Variants in ITPR1 observed in about 807,000 individuals in gnomAD.
ITPR1 encodes the protein inositol 1,4,5-trisphosphate-gated calcium channel ITPR1.
Under a neutral mutation model 318.4 loss-of-function variants are expected in ITPR1, and 96 were observed. The ratio of observed to expected loss-of-function variants is 0.30; its 90% CI spans 0.26 to 0.36. The LOEUF is 0.36. ITPR1 is among the 10% of genes least tolerant of loss of function. The probability of loss-of-function intolerance (pLI) is 1.00; values close to 1 mark genes in which losing one functional copy is unlikely to be tolerated. For missense variants in ITPR1, 2,440 were observed against 3,460.2 expected (o/e 0.71, Z 7.40); for synonymous variants, 1,312 against 1,289.9 (o/e 1.02, Z -0.37).
At chr3:4,538,677 A>G (rs1192447934) in intron 4 of ITPR1, among the ~76,000 whole-genome samples, 1 of 152,230 alleles carries the variant, frequency 6.6e-6, no homozygotes, top group African/African-American at 2.4e-5. Context: ...CTGGATAAAG[A>G]AAATTTGGTA....
chr3:4,610,942 TCTTCCC>T (rs1294578675), intron 4 of ITPR1, among the ~76,000 whole-genome samples: 639 of 55,574 alleles, frequency 0.011, 41 homozygotes, highest in African/African-American at 0.046. Flanking sequence ...TTCCCCTTCC[TCTTCCC>T]CTTCCCCTTC....
At chr3:4,725,403 A>C in intron 40 of ITPR1, 143 bp from the exon 41 acceptor site, 1 of 702,610 alleles carries the variant, frequency 1.4e-6, no homozygotes, top group South Asian at 1.5e-5. Flanking sequence ...GCTGAAGCCC[A>C]CTTCGGCAGG....
intron 60 of ITPR1, among the ~76,000 whole-genome samples, chr3:4,820,891 G>A (rs1409789269): frequency 6.6e-6 from 1 of 152,216 alleles, no homozygotes; most frequent in African/African-American, 2.4e-5. Context: ...TGAGTCATTT[G>A]GTGGGGGTGG....
chr3:4,822,914 C>T (rs549620373), intron 60 of ITPR1, among the ~76,000 whole-genome samples: 73 of 152,326 alleles, frequency 4.8e-4, no homozygotes, highest in African/African-American at 1.7e-3. Context: ...ATTTCCTTTC[C>T]CTGCGGGAAC....
chr3:4,775,238 G>A lies in ITPR1; in HGVS notation c.5980-4G>A, dbSNP rs769545508. ...CACCGAACCTGGGGACTACCCAATT[G>A]CAGAACTTCCTCCGTTGCCAAAATA... On this transcript the variant is annotated splice_polypyrimidine_tract_variant and splice_region_variant and intron_variant, in intron 46 of 61. Transcript: ENST00000649015. The A allele has an allele frequency of 6.2e-7, 1 of 1,612,448 alleles. No homozygotes were observed. The highest frequency in any genetic ancestry group is 2.2e-5 in the East Asian group (1 of 44,884).
chr3:4,499,101 C>G (rs2080827339), intron 2 of ITPR1, among the ~76,000 whole-genome samples: 1 of 152,180 alleles, frequency 6.6e-6, no homozygotes, highest in Non-Finnish European at 1.5e-5. Context: ...CTGTAATATA[C>G]TATGATTGCA....
In ITPR1 at chr3:4,676,606, T is replaced by C. The variant is rs558804336; in HGVS notation, c.2780-8T>C. 10 of 1,612,782 alleles carry C rather than the reference T, an allele frequency of 6.2e-6. No homozygotes were observed. Among genetic ancestry groups the C allele is most frequent in the East Asian group, 2.2e-5 (1 of 44,858 alleles). ...ATTGTGACCGTGGTCTCTCCTGGCC[T>C]TTCCTAGGCAGTAACGTGATGAGAT... On this transcript the variant is annotated splice_region_variant and splice_polypyrimidine_tract_variant and intron_variant, in intron 23 of 61. Transcript: ENST00000649015.
intron 18 of ITPR1, among the ~76,000 whole-genome samples, chr3:4,668,695 T>A (rs1576008036): frequency 6.6e-6 from 1 of 152,292 alleles, no homozygotes; most frequent in Non-Finnish European, 1.5e-5. Context: ...CTTGAACTCC[T>A]GACCTCGTGA....
chr3:4,585,883 T>C (rs571359137), intron 4 of ITPR1, among the ~76,000 whole-genome samples: 1 of 152,336 alleles, frequency 6.6e-6, no homozygotes, highest in Admixed American at 6.5e-5. Flanking sequence ...ACCTGTTACC[T>C]TCATTAGATA....
chr3:4,762,689 T>G, intron 44 of ITPR1, among the ~76,000 whole-genome samples: 1 of 152,238 alleles, frequency 6.6e-6, no homozygotes, highest in East Asian at 1.9e-4. Context: ...ACAGAGCCAG[T>G]GGGTCAAGGA....
intron 2 of ITPR1, among the ~76,000 whole-genome samples, chr3:4,505,680 G>A (rs1275542749): frequency 6.6e-6 from 1 of 152,208 alleles, no homozygotes; most frequent in Non-Finnish European, 1.5e-5. Flanking sequence ...CTGTCCAAAT[G>A]CAGGTGCTTT....
At chr3:4,698,407 GT>G in intron 34 of ITPR1, among the ~76,000 whole-genome samples, 1 of 152,244 alleles carries the variant, frequency 6.6e-6, no homozygotes, top group Non-Finnish European at 1.5e-5. Flanking sequence ...ACTCCTCCTA[GT>G]TTTTTAATCC....
At chr3:4,550,460 G>T (rs1354025703) in intron 4 of ITPR1, among the ~76,000 whole-genome samples, 1 of 152,164 alleles carries the variant, frequency 6.6e-6, no homozygotes, top group Non-Finnish European at 1.5e-5. Flanking sequence ...CATAATAAAT[G>T]ATTGCAGACT....
intron 4 of ITPR1, among the ~76,000 whole-genome samples, chr3:4,567,394 A>G (rs1221191884): frequency 6.6e-6 from 1 of 152,172 alleles, no homozygotes; most frequent in African/African-American, 2.4e-5. Context: ...GCCTAAGAAG[A>G]CCAAGTCCTT....
At chr3:4,835,523 C>T (rs568663543) in intron 60 of ITPR1, among the ~76,000 whole-genome samples, 3 of 152,226 alleles carry the variant, frequency 2.0e-5, no homozygotes, top group South Asian at 4.2e-4. Flanking sequence ...TCGCCGACCC[C>T]CACGGTGTAC....
intron 1 of ITPR1, 27 bp from the exon 2 acceptor site, chr3:4,494,404 C>G (rs970987246): frequency 6.6e-6 from 1 of 152,262 alleles, no homozygotes; most frequent in Non-Finnish European, 1.5e-5. Flanking sequence ...GTCTGGTACT[C>G]AGTCTTCTTT....
chr3:4,762,436 G>A (rs562371910), intron 44 of ITPR1, among the ~76,000 whole-genome samples: 8 of 152,308 alleles, frequency 5.3e-5, no homozygotes, highest in Middle Eastern at 3.4e-3. Context: ...GGTGACACTC[G>A]CTAGTAAGCG....
chr3:4,810,732 G>T (rs1272697952), intron 55 of ITPR1, among the ~76,000 whole-genome samples: 1 of 152,142 alleles, frequency 6.6e-6, no homozygotes. Flanking sequence ...ACTCAGAGGG[G>T]ATGAGGAAAG....
chr3:4,500,998 C>T (rs902459505), intron 2 of ITPR1, among the ~76,000 whole-genome samples: 3 of 151,000 alleles, frequency 2.0e-5, no homozygotes, highest in East Asian at 2.0e-4. Context: ...GGACCACCAG[C>T]GTGCCCCACC....
Sources: allele counts gnomAD v4.1 joint callset (sites outside exome capture counted in the v4.1 genomes callset), GRCh38; gene constraint gnomAD v4.1.1; transcripts MANE v1.5; gene names NCBI Gene and HGNC (gene_info 2026-07-23, HGNC 2026-07-21).